The following MAPKAP1 variants were observed in gnomAD, a reference collection of about 807,000 sequenced individuals.
MAPKAP1 encodes the protein MAPK associated protein 1, also known as target of rapamycin complex 2 subunit MAPKAP1.
MAPKAP1 carries 20 observed loss-of-function variants against 65.7 expected under a neutral mutation model. The ratio of observed to expected loss-of-function variants is 0.30; its 90% CI spans 0.21 to 0.44. MAPKAP1 has a LOEUF of 0.44. MAPKAP1 is among the 20% of genes least tolerant of loss of function. The pLI, the probability that MAPKAP1 is intolerant of heterozygous loss-of-function variation, is 1.00. For synonymous variants in MAPKAP1, 222 were observed against 244.3 expected, an observed-to-expected ratio of 0.91 and a Z score of 0.85; for missense variants, 423 against 648.0, an observed-to-expected ratio of 0.65 and a Z score of 3.77.
intron 4 of MAPKAP1, among the ~76,000 whole-genome samples, chr9:125,594,503 C>G (rs558442135): frequency 1.1e-4 from 16 of 152,296 alleles, no homozygotes; most frequent in Admixed American, 7.2e-4. Context: ...ACTTGGAAAG[C>G]AAATAAGATG....
chr9:125,489,901 T>G (rs1309957436), intron 8 of MAPKAP1, among the ~76,000 whole-genome samples: 3 of 152,168 alleles, frequency 2.0e-5, no homozygotes, highest in Non-Finnish European at 4.4e-5. Context: ...GGTCAAAACC[T>G]TGCCCAGGGT....
intron 5 of MAPKAP1, among the ~76,000 whole-genome samples, chr9:125,577,780 G>A (rs1188827740): frequency 1.4e-5 from 2 of 147,224 alleles, no homozygotes; most frequent in Non-Finnish European, 3.0e-5. Context: ...CCCTCTGCCG[G>A]GCCAGCCGCC....
intron 4 of MAPKAP1, among the ~76,000 whole-genome samples, chr9:125,646,133 CT>C (rs996610761): frequency 3.9e-5 from 6 of 152,042 alleles, no homozygotes; most frequent in Non-Finnish European, 5.9e-5. Flanking sequence ...TAAAGAAATG[CT>C]TTTCCTGTGT....
chr9:125,638,626 G>A (rs1036925934), intron 4 of MAPKAP1, among the ~76,000 whole-genome samples: 2 of 152,022 alleles, frequency 1.3e-5, no homozygotes, highest in East Asian at 1.9e-4. Flanking sequence ...AAATTACCTC[G>A]ATCTGCCCAA....
chr9:125,599,540 C>A (rs188141603), intron 4 of MAPKAP1, among the ~76,000 whole-genome samples: 1 of 151,622 alleles, frequency 6.6e-6, no homozygotes, highest in African/African-American at 2.4e-5. Context: ...AAGAGTACAA[C>A]ACAGCACAGA....
chr9:125,698,201 G>GTA (rs762170018), intron 1 of MAPKAP1, among the ~76,000 whole-genome samples: 1 of 141,320 alleles, frequency 7.1e-6, no homozygotes, highest in Non-Finnish European at 1.5e-5. Context: ...ACACATATGT[G>GTA]TATATATATG....
At chr9:125,632,258 AC>A (rs1833308273) in intron 4 of MAPKAP1, among the ~76,000 whole-genome samples, 1 of 151,298 alleles carries the variant, frequency 6.6e-6, no homozygotes, top group Non-Finnish European at 1.5e-5. Context: ...ACCATACTAA[AC>A]TTTTCCTCTC....
intron 1 of MAPKAP1, among the ~76,000 whole-genome samples, 188 bp downstream of exon 1, chr9:125,706,783 C>T (rs1288797946): frequency 6.6e-6 from 1 of 152,136 alleles, no homozygotes; most frequent in African/African-American, 2.4e-5. Flanking sequence ...CACACACCCG[C>T]CTCAGACTCC....
At chr9:125,581,252 A>G (rs1168763792) in intron 5 of MAPKAP1, among the ~76,000 whole-genome samples, 2 of 152,262 alleles carry the variant, frequency 1.3e-5, no homozygotes, top group African/African-American at 4.8e-5. Flanking sequence ...TGGTAAATTC[A>G]CGTTTAGCTT....
chr9:125,527,336 G>A (rs1043036547), intron 7 of MAPKAP1, among the ~76,000 whole-genome samples: 10 of 152,190 alleles, frequency 6.6e-5, no homozygotes, highest in Admixed American at 6.5e-5. Flanking sequence ...AAAGTGCTGG[G>A]ATTACAGGCG....
chr9:125,677,841 T>C (rs1834696520), intron 1 of MAPKAP1, among the ~76,000 whole-genome samples: 1 of 152,194 alleles, frequency 6.6e-6, no homozygotes, highest in Admixed American at 6.5e-5. Context: ...CATAAAGATT[T>C]GTTTTACTAA....
chr9:125,581,910 C>T (rs970615973), intron 5 of MAPKAP1, among the ~76,000 whole-genome samples: 3 of 152,168 alleles, frequency 2.0e-5, no homozygotes, highest in Non-Finnish European at 2.9e-5. Flanking sequence ...CCACTCCTAT[C>T]TGTCTTCAGT....
chr9:125,696,992 A>C (rs976127863), intron 1 of MAPKAP1, among the ~76,000 whole-genome samples: 1 of 152,212 alleles, frequency 6.6e-6, no homozygotes, highest in Non-Finnish European at 1.5e-5. Flanking sequence ...ACTCCCTCTG[A>C]AAGTAAAGAC....
intron 4 of MAPKAP1, among the ~76,000 whole-genome samples, chr9:125,604,933 C>A (rs1352347852): frequency 6.6e-6 from 1 of 152,196 alleles, no homozygotes; most frequent in East Asian, 1.9e-4. Flanking sequence ...CACCAATTAT[C>A]CCCGTTCCTA....
At chr9:125,658,882 C>T (rs1366847083) in intron 3 of MAPKAP1, among the ~76,000 whole-genome samples, 1 of 152,114 alleles carries the variant, frequency 6.6e-6, no homozygotes, top group African/African-American at 2.4e-5. Flanking sequence ...CAACCCCATT[C>T]CACTTTAGCA....
At chr9:125,688,429 T>A (rs191628312) in intron 1 of MAPKAP1, among the ~76,000 whole-genome samples, 1 of 152,102 alleles carries the variant, frequency 6.6e-6, no homozygotes, top group Non-Finnish European at 1.5e-5. Flanking sequence ...TGAACCACCA[T>A]GCCCAGCTAG....
chr9:125,564,816 T>TAGCATGGCAGACAGC (rs1208694191), intron 5 of MAPKAP1, among the ~76,000 whole-genome samples: 3 of 152,128 alleles, frequency 2.0e-5, no homozygotes, highest in Non-Finnish European at 4.4e-5. Flanking sequence ...GGGCAGACAG[T>TAGCATGGCAGACAGC]AGCATGGCAG....
At position 125,439,229 on chromosome 9, in the gene MAPKAP1, T is replaced by C. The variant is rs1258649045; in HGVS notation, c.1444-217A>G. On this transcript the variant is annotated intron_variant, in intron 11 of 11. Transcript: ENST00000265960. This position sits in a 1 kb window ranked among gnomAD's most constrained non-coding sequence, Gnocchi z 4.0. ...AAAACAGAGGCTTGGAGAAGCCAAGTGGCCAGTCCAGGCTTCCCAGTCAGT... is the reference window on the plus strand; with the variant it reads ...AAAACAGAGGCTTGGAGAAGCCAAGCGGCCAGTCCAGGCTTCCCAGTCAGT... Among the ~76,000 whole-genome samples, 1 of 152,210 alleles carries C rather than the reference T, an allele frequency of 6.6e-6. No homozygotes were observed. Among genetic ancestry groups the C allele is most frequent in the Admixed American group, 6.5e-5 (1 of 15,288 alleles).
chr9:125,690,987 C>T (rs1464279919), intron 1 of MAPKAP1, among the ~76,000 whole-genome samples: 1 of 152,138 alleles, frequency 6.6e-6, no homozygotes. Context: ...AGAGGCCGGG[C>T]GCAGTGGCTC....
Sources: allele counts gnomAD v4.1 joint callset (sites outside exome capture counted in the v4.1 genomes callset), GRCh38; gene constraint gnomAD v4.1.1; non-coding constraint Gnocchi (gnomAD v3.1); transcripts MANE v1.5; gene names NCBI Gene and HGNC (gene_info 2026-07-23, HGNC 2026-07-21).